Variants in PCSK5 observed in about 807,000 individuals in gnomAD.
PCSK5 encodes prohormone convertase 5.
In PCSK5, 129 loss-of-function variants were observed where a neutral mutation model predicts 233.2. The observed-to-expected ratio is 0.55, with a 90% CI of 0.48 to 0.64. PCSK5 has a LOEUF of 0.64. Among genes scored for constraint, PCSK5 ranks in the 30% least tolerant of loss-of-function variants. The pLI is 0.00. For synonymous variants in PCSK5, 825 were observed against 879.2 expected, an observed-to-expected ratio of 0.94 and a Z score of 1.09; for missense variants, 2,076 against 2,430.1, an observed-to-expected ratio of 0.85 and a Z score of 3.06.
At chr9:76,174,181 C>T (rs1186312796) in intron 13 of PCSK5, among the ~76,000 whole-genome samples, 1 of 152,000 alleles carries the variant, frequency 6.6e-6, no homozygotes, top group Non-Finnish European at 1.5e-5. Context: ...TCACATTGGA[C>T]AGCACAGGTC....
rs938645933 is a variant in PCSK5 at position 76,088,482 on chromosome 9, C to T, written c.895-7408C>T. On this transcript the variant is annotated intron_variant, in intron 7 of 37. Coordinates refer to ENST00000674117, the MANE Select transcript of PCSK5 (RefSeq NM_001372043.1). The stretch of plus-strand genomic sequence containing the variant: ...TCTGAGAGCACAATTATGAAATATT[C>T]GAAGTGTAGAAGCAGAACAAGAGAA... Among the ~76,000 whole-genome samples, 14 of 152,290 alleles carry T rather than the reference C, an allele frequency of 9.2e-5. No homozygotes were observed. In the East Asian group the frequency reaches 1.5e-3, roughly 17 times the overall value.
intron 3 of PCSK5, among the ~76,000 whole-genome samples, chr9:76,014,509 A>G (rs919763522): frequency 2.0e-5 from 3 of 152,214 alleles, no homozygotes; most frequent in Non-Finnish European, 2.9e-5. Flanking sequence ...AAAGGGAAAC[A>G]ATATTCAAGT....
chr9:75,960,953 A>AG (rs35981501), intron 2 of PCSK5, among the ~76,000 whole-genome samples: 134,243 of 152,196 alleles, frequency 0.88, 59,397 homozygotes, highest in Non-Finnish European at 0.92. Context: ...CTCTTCTATA[A>AG]GGAAATTGAA....
chr9:76,082,527 G>GA (rs1269979278), intron 7 of PCSK5, among the ~76,000 whole-genome samples: 11 of 152,144 alleles, frequency 7.2e-5, no homozygotes, highest in Non-Finnish European at 1.6e-4. Flanking sequence ...GGGGAAAGAT[G>GA]AATAGCACTC....
intron 5 of PCSK5, among the ~76,000 whole-genome samples, chr9:76,046,950 G>A (rs1415434351): frequency 3.3e-5 from 5 of 152,178 alleles, no homozygotes; most frequent in Admixed American, 3.3e-4. Flanking sequence ...CCCAATGTCT[G>A]ACATTAATGA....
At chr9:76,332,996 G>A (rs1829578798) in intron 34 of PCSK5, among the ~76,000 whole-genome samples, 1 of 152,146 alleles carries the variant, frequency 6.6e-6, no homozygotes, top group Admixed American at 6.6e-5. Flanking sequence ...GCAACATCTT[G>A]AGACCCCATC....
chr9:76,333,827 C>T (rs986107266), intron 34 of PCSK5, among the ~76,000 whole-genome samples: 1 of 152,134 alleles, frequency 6.6e-6, no homozygotes, highest in African/African-American at 2.4e-5. Flanking sequence ...TATATGCTGC[C>T]TTGCATTTTG....
intron 3 of PCSK5, among the ~76,000 whole-genome samples, chr9:76,001,620 C>G (rs1420761901): frequency 1.3e-5 from 2 of 152,212 alleles, no homozygotes; most frequent in Non-Finnish European, 2.9e-5. Context: ...TTTCAGCAAC[C>G]TGATGCCCTG....
intron 5 of PCSK5, among the ~76,000 whole-genome samples, chr9:76,049,275 T>C (rs1829538642): frequency 6.6e-6 from 1 of 152,184 alleles, no homozygotes; most frequent in Admixed American, 6.5e-5. Context: ...TATTTCTAAA[T>C]GAAATATGGT....
chr9:76,272,512 T>G (rs1172186539), intron 24 of PCSK5, among the ~76,000 whole-genome samples: 1 of 152,032 alleles, frequency 6.6e-6, no homozygotes, highest in Non-Finnish European at 1.5e-5. Context: ...CAGTGGCTCA[T>G]GCCTGTAATC....
At chr9:76,185,829 GATA>G (rs1284353825) in intron 17 of PCSK5, among the ~76,000 whole-genome samples, 2 of 152,146 alleles carry the variant, frequency 1.3e-5, no homozygotes, top group African/African-American at 4.8e-5. Flanking sequence ...ATAAAATGAT[GATA>G]ATAATAATCC....
intron 10 of PCSK5, among the ~76,000 whole-genome samples, chr9:76,146,635 T>A (rs945526036): frequency 1.3e-5 from 2 of 152,004 alleles, no homozygotes; most frequent in Non-Finnish European, 2.9e-5. Flanking sequence ...AAAGATAAGT[T>A]ATGTAGATGA....
At chr9:76,096,608 T>C (rs539554515) in intron 8 of PCSK5, among the ~76,000 whole-genome samples, 1 of 152,080 alleles carries the variant, frequency 6.6e-6, no homozygotes, top group African/African-American at 2.4e-5. Flanking sequence ...TTTCTTTTTT[T>C]TTTTTTTTCC....
intron 21 of PCSK5, among the ~76,000 whole-genome samples, chr9:76,230,993 G>A (rs1378234988): frequency 2.0e-5 from 3 of 152,066 alleles, no homozygotes; most frequent in African/African-American, 7.2e-5. Flanking sequence ...CCCCCCATTT[G>A]TAGAAAAATT....
chr9:75,900,957 G>A (rs751783803), intron 1 of PCSK5, among the ~76,000 whole-genome samples: 2 of 152,046 alleles, frequency 1.3e-5, no homozygotes, highest in Non-Finnish European at 2.9e-5. Flanking sequence ...AACACAGTGA[G>A]CACGTGGGCA....
chr9:75,908,978 T>A (rs531353633), intron 1 of PCSK5, among the ~76,000 whole-genome samples: 66 of 150,446 alleles, frequency 4.4e-4, no homozygotes, highest in African/African-American at 1.4e-3. Context: ...TATCTATCTA[T>A]CTATCTATCT....
In PCSK5 at chr9:76,233,447, G is replaced by A. The variant is rs745684433; in HGVS notation, c.2730-13G>A. ...TCACCCTGATGAATTCTAAAAGTCTGCTTTTCCTCTAGGATTTTTGATGAT... is the reference window on the plus strand; with the variant it reads ...TCACCCTGATGAATTCTAAAAGTCTACTTTTCCTCTAGGATTTTTGATGAT... On this transcript the variant is annotated splice_polypyrimidine_tract_variant and intron_variant, in intron 21 of 37. Coordinates refer to ENST00000674117, the MANE Select transcript of PCSK5 (RefSeq NM_001372043.1). The A allele has an allele frequency of 6.2e-7, 1 of 1,612,514 alleles. No individual in the cohort carries two copies. The highest frequency in any genetic ancestry group is 1.1e-5 in the South Asian group (1 of 91,062).
chr9:75,975,348 T>C (rs963301985), intron 2 of PCSK5, among the ~76,000 whole-genome samples: 1 of 152,016 alleles, frequency 6.6e-6, no homozygotes, highest in Non-Finnish European at 1.5e-5. Flanking sequence ...GAAATATAGC[T>C]TTCATGACCA....
intron 5 of PCSK5, among the ~76,000 whole-genome samples, chr9:76,037,240 A>G (rs1828895255): frequency 6.6e-6 from 1 of 152,088 alleles, no homozygotes; most frequent in Non-Finnish European, 1.5e-5. Context: ...AGGGGAAAAA[A>G]GCCAAACAAA....
Sources: gnomAD v4.1 joint callset for allele counts (sites outside exome capture counted in the v4.1 genomes callset) on GRCh38, gnomAD v4.1.1 for gene constraint, MANE v1.5 for transcripts, NCBI Gene and HGNC (gene_info 2026-07-23, HGNC 2026-07-21) for gene names.